The following DNAH14 variants were observed in gnomAD, a reference collection of about 807,000 sequenced individuals.
The protein encoded by DNAH14 is dynein axonemal heavy chain 14.
In DNAH14, 478 loss-of-function variants were observed where a neutral mutation model predicts 520.9. That is an observed-to-expected ratio of 0.92 (90% CI 0.85 to 0.99). The LOEUF is 0.99. Ranked by LOEUF, DNAH14 falls within the 50% of genes least tolerant of loss-of-function variation. DNAH14 has a pLI of 0.00. For missense variants in DNAH14, 4,831 were observed against 5,234.5 expected, an observed-to-expected ratio of 0.92 and a Z score of 2.38; for synonymous variants, 1,581 against 1,757.2, an observed-to-expected ratio of 0.90 and a Z score of 2.51.
At position 225,140,925 on chromosome 1, in the gene DNAH14, TA is replaced by T; in HGVS notation, c.4413del (p.Ala1473HisfsTer12). ...DTSNSRTKAI[L>X]GALLILYVHC... is the part of the protein sequence containing the mutation. Reference sequence around the variant, plus strand: ...AGTAACTCTCGAACAAAAGCTATACTAGGGGCATTGCTTATCCTTTATGTTC... The same window carrying T: ...AGTAACTCTCGAACAAAAGCTATACTGGGGCATTGCTTATCCTTTATGTTC... On this transcript the variant is annotated frameshift_variant, in exon 28 of 86. Coordinates refer to ENST00000682510, the MANE Select transcript of DNAH14 (RefSeq NM_001367479.1). LOFTEE classifies it high-confidence loss of function. 2 of 1,551,370 alleles carry T rather than the reference TA, an allele frequency of 1.3e-6. No homozygotes were observed. Among genetic ancestry groups the T allele is most frequent in the Non-Finnish European group, 1.7e-6 (2 of 1,146,874 alleles).
In DNAH14 at chr1:225,256,939, A is replaced by C. The variant is rs372676955; in HGVS notation, c.6866-1021A>C. ...CAGATAAAGACAGAATCTCTGGCAC[A>C]CAACTAAAGCATTTTAAGAGGAAAA... On this transcript the variant is annotated intron_variant, in intron 44 of 85. Transcript: ENST00000682510. 3.3e-5 allele frequency among the ~76,000 whole-genome samples: 5 copies of C among 152,320 alleles called. No homozygotes were observed. The East Asian group carries it at 9.6e-4, about 29-fold the overall frequency.
At chr1:225,218,380 A>G (rs1323818232) in intron 41 of DNAH14, among the ~76,000 whole-genome samples, 4 of 152,188 alleles carry the variant, frequency 2.6e-5, no homozygotes, top group African/African-American at 9.7e-5. Context: ...TAAAGAGTCA[A>G]GACCCATCAG....
intron 41 of DNAH14, among the ~76,000 whole-genome samples, chr1:225,212,559 C>A (rs1374328926): frequency 2.0e-5 from 3 of 152,184 alleles, no homozygotes; most frequent in African/African-American, 7.2e-5. Flanking sequence ...ACATCCTCTC[C>A]AGCACCTGTT....
chr1:224,956,500 AATAGTCTATTCCAT>A (rs1387271668), intron 3 of DNAH14, among the ~76,000 whole-genome samples: 2 of 152,146 alleles, frequency 1.3e-5, no homozygotes, highest in African/African-American at 2.4e-5. Context: ...GCCTCGGAGT[AATAGTCTATTCCAT>A]ATAGCCTTGG....
intron 66 of DNAH14, among the ~76,000 whole-genome samples, chr1:225,335,868 TAC>T (rs1282448508): frequency 1.3e-5 from 1 of 78,420 alleles, no homozygotes; most frequent in Non-Finnish European, 2.6e-5. Flanking sequence ...TATATGTACA[TAC>T]ACATATACAT....
intron 2 of DNAH14, among the ~76,000 whole-genome samples, chr1:224,954,065 A>G (rs1415013750): frequency 6.6e-6 from 1 of 152,126 alleles, no homozygotes; most frequent in Non-Finnish European, 1.5e-5. Context: ...TAACTACTAC[A>G]CATTGTTAAG....
intron 3 of DNAH14, among the ~76,000 whole-genome samples, chr1:224,956,117 A>G (rs1345349315): frequency 2.6e-5 from 4 of 152,018 alleles, no homozygotes; most frequent in African/African-American, 9.7e-5. Context: ...CTTTTAAGGA[A>G]ATTTACTCAC....
At chr1:225,360,054 T>C (rs2095475529) in intron 74 of DNAH14, among the ~76,000 whole-genome samples, 1 of 152,220 alleles carries the variant, frequency 6.6e-6, no homozygotes, top group African/African-American at 2.4e-5. Flanking sequence ...TTTGTCCATG[T>C]GTTCTCATTG....
intron 41 of DNAH14, among the ~76,000 whole-genome samples, chr1:225,213,164 G>A (rs1407219684): frequency 2.6e-5 from 4 of 152,226 alleles, no homozygotes; most frequent in Middle Eastern, 3.4e-3. Context: ...ATTAAATAGG[G>A]AATCCTTTCC....
At chr1:225,018,547 C>T (rs1220199905) in intron 10 of DNAH14, among the ~76,000 whole-genome samples, 1 of 152,102 alleles carries the variant, frequency 6.6e-6, no homozygotes, top group Non-Finnish European at 1.5e-5. Flanking sequence ...CAGAGAACTC[C>T]TGTGTGAAGG....
intron 41 of DNAH14, among the ~76,000 whole-genome samples, chr1:225,225,750 G>C (rs1445992979): frequency 6.6e-6 from 1 of 152,128 alleles, no homozygotes; most frequent in African/African-American, 2.4e-5. Flanking sequence ...TTAATGTATG[G>C]TGTGGTCCAA....
chr1:225,391,744 T>C (rs937343155), intron 83 of DNAH14, among the ~76,000 whole-genome samples: 1 of 152,082 alleles, frequency 6.6e-6, no homozygotes, highest in Non-Finnish European at 1.5e-5. Flanking sequence ...GGGATCATAA[T>C]GACAGGCATG....
chr1:225,085,646 A>G lies in DNAH14; in HGVS notation c.3430A>G (p.Thr1144Ala). 2 of 1,550,996 alleles carry G rather than the reference A, an allele frequency of 1.3e-6. No homozygotes were observed. The highest frequency in any genetic ancestry group is 1.7e-6 in the Non-Finnish European group (2 of 1,146,724). ...TAAGATTATTGATTTTTGGAACACT[A>G]CTCCTTTGCCTTTAATTCTTCACCA... is the stretch of plus-strand genomic sequence containing the variant. ...LFKIIDFWNT[T>A]PLPLILHHTE... Residue 1144 changes from threonine to alanine, a missense_variant, in exon 21 of 86, where the codon ACT (threonine) becomes GCT (alanine). Thr to Ala is a moderately conservative substitution (Grantham distance 58, BLOSUM62 0). Transcript: ENST00000682510.
At chr1:225,390,303 T>C (rs1051705101) in intron 83 of DNAH14, among the ~76,000 whole-genome samples, 4 of 152,166 alleles carry the variant, frequency 2.6e-5, no homozygotes, top group Admixed American at 2.6e-4. Flanking sequence ...AACCTAGGCC[T>C]TACCTGCTCA....
chr1:225,239,460 G>T (rs1344234807), intron 42 of DNAH14, among the ~76,000 whole-genome samples: 2 of 152,128 alleles, frequency 1.3e-5, no homozygotes, highest in East Asian at 1.9e-4. Context: ...ACTCGCAGGT[G>T]GACCATCACC....
chr1:224,984,909 C>T (rs1034469160), intron 8 of DNAH14, among the ~76,000 whole-genome samples: 4 of 152,016 alleles, frequency 2.6e-5, no homozygotes, highest in African/African-American at 9.7e-5. Flanking sequence ...AAATCAAAAC[C>T]ACAATGCGAT....
chr1:225,053,337 A>G (rs907712434), intron 17 of DNAH14, among the ~76,000 whole-genome samples: 2 of 152,144 alleles, frequency 1.3e-5, no homozygotes, highest in Non-Finnish European at 2.9e-5. Flanking sequence ...AGGTGGGAAT[A>G]TAGTCTGTGA....
Position 225,159,351 on chromosome 1 carries a change from T to C in DNAH14, c.5311T>C (p.Leu1771=). 1 of 1,551,612 alleles carries C rather than the reference T, an allele frequency of 6.4e-7. No homozygotes were observed. The highest frequency in any genetic ancestry group is 8.7e-7 in the Non-Finnish European group (1 of 1,146,898). ...SDSLSEADET[L]IVIEAIREAS... is the part of the protein sequence containing the mutation. ...CAGTCTTTCTGAAGCAGATGAAACC[T>C]TGATTGTTATCGAGGCTATAAGAGA... The change falls in exon 35 of 86, where the codon TTG becomes CTG. Residue 1771 remains leucine, a synonymous_variant. Coordinates refer to ENST00000682510, the MANE Select transcript of DNAH14 (RefSeq NM_001367479.1).
At chr1:225,142,975 T>G (rs1239025348) in intron 28 of DNAH14, among the ~76,000 whole-genome samples, 1 of 152,112 alleles carries the variant, frequency 6.6e-6, no homozygotes, top group Non-Finnish European at 1.5e-5. Flanking sequence ...AAATAAATTT[T>G]TTTTTCTTTC....
Sources: gnomAD v4.1 joint callset for allele counts (sites outside exome capture counted in the v4.1 genomes callset) on GRCh38, gnomAD v4.1.1 for gene constraint, MANE v1.5 for transcripts, NCBI Gene and HGNC (gene_info 2026-07-23, HGNC 2026-07-21) for gene names.